Variants in FAM222B observed in about 807,000 individuals in gnomAD.
The protein encoded by FAM222B is family with sequence similarity 222 member B.
A neutral mutation model predicts 38.0 loss-of-function variants in FAM222B; 12 were observed. That is an observed-to-expected ratio of 0.32 (90% CI 0.20 to 0.51). The LOEUF is 0.51. FAM222B is among the 20% of genes least tolerant of loss of function. The probability of loss-of-function intolerance (pLI) is 0.97; values close to 1 mark genes in which losing one functional copy is unlikely to be tolerated. For synonymous variants in FAM222B, 329 were observed against 317.2 expected (o/e 1.04, Z -0.40); for missense variants, 716 against 754.2 (o/e 0.95, Z 0.59).
chr17:28,764,396 C>A (rs543558620), intron 2 of FAM222B, among the ~76,000 whole-genome samples: 2 of 151,394 alleles, frequency 1.3e-5, no homozygotes, highest in African/African-American at 4.9e-5. Context: ...GAGCCGAGAT[C>A]GTGCCACTGC....
chr17:28,846,809 C>T (rs1248071863), upstream of FAM222B, among the ~76,000 whole-genome samples: 1 of 152,006 alleles, frequency 6.6e-6, no homozygotes, highest in Non-Finnish European at 1.5e-5. Context: ...GGGGAAAGGC[C>T]AAACGTGGTG....
At chr17:28,836,065 C>T (rs1391660463) in intron 1 of FAM222B, among the ~76,000 whole-genome samples, 1 of 152,000 alleles carries the variant, frequency 6.6e-6, no homozygotes, top group Non-Finnish European at 1.5e-5. Flanking sequence ...TCTCGGCTCA[C>T]TGAGACCTCC....
intron 1 of FAM222B, among the ~76,000 whole-genome samples, chr17:28,784,816 A>G (rs2036328743): frequency 6.6e-6 from 1 of 152,040 alleles, no homozygotes; most frequent in Non-Finnish European, 1.5e-5. Flanking sequence ...ATGGCGTGAA[A>G]CACGGCTCAT....
chr17:28,778,585 C>T (rs1232369035), intron 1 of FAM222B, among the ~76,000 whole-genome samples: 1 of 141,868 alleles, frequency 7.0e-6, no homozygotes, highest in Non-Finnish European at 1.5e-5. Context: ...TTCACTGAAA[C>T]CTCCACCTCC....
At chr17:28,775,658 A>T (rs2035853916) in intron 1 of FAM222B, among the ~76,000 whole-genome samples, 1 of 151,754 alleles carries the variant, frequency 6.6e-6, no homozygotes, top group Non-Finnish European at 1.5e-5. Context: ...AGGTGCGTGG[A>T]TCACTTGAGG....
intron 1 of FAM222B, among the ~76,000 whole-genome samples, chr17:28,822,799 T>G: frequency 1.3e-4 from 2 of 15,476 alleles, no homozygotes; most frequent in Non-Finnish European, 2.2e-4. Context: ...CAAGACTCCA[T>G]CTCAAAAAAA....
chr17:28,826,419 G>A (rs1294672223), intron 1 of FAM222B, among the ~76,000 whole-genome samples: 3 of 151,840 alleles, frequency 2.0e-5, no homozygotes, highest in African/African-American at 4.8e-5. Context: ...GTTGGCTCAC[G>A]CCTGTAATCC....
At chr17:28,786,008 A>G (rs2036395472) in intron 1 of FAM222B, among the ~76,000 whole-genome samples, 2 of 150,832 alleles carry the variant, frequency 1.3e-5, no homozygotes, top group Non-Finnish European at 3.0e-5. Flanking sequence ...TAATTTTTGT[A>G]TTTTTAGTAG....
At chr17:28,805,958 A>T (rs1004175955) in intron 1 of FAM222B, among the ~76,000 whole-genome samples, 1 of 152,144 alleles carries the variant, frequency 6.6e-6, no homozygotes, top group Non-Finnish European at 1.5e-5. Flanking sequence ...CCTGACCAAC[A>T]TGGAGAAACC....
At chr17:28,784,690 C>T (rs2036322367) in intron 1 of FAM222B, among the ~76,000 whole-genome samples, 1 of 151,708 alleles carries the variant, frequency 6.6e-6, no homozygotes, top group African/African-American at 2.4e-5. Flanking sequence ...ATTAGCTGGG[C>T]GTGGTGGCAG....
In FAM222B at chr17:28,811,486, CT is replaced by C. The variant is rs1271982705; in HGVS notation, c.-41+31195del. 1.1e-4 allele frequency among the ~76,000 whole-genome samples: 17 copies of C among 152,232 alleles called. No individual in the cohort carries two copies. In the East Asian group the frequency reaches 2.9e-3, roughly 26 times the overall value. ...AAAACCCCCACGAACTAAAATACAT[CT>C]GGAGGTTTGTTTTTTTAAGTTTGGT... On this transcript the variant is annotated intron_variant, in intron 1 of 2. Coordinates refer to ENST00000581407, the MANE Select transcript of FAM222B (RefSeq NM_001077498.3).
intron 1 of FAM222B, among the ~76,000 whole-genome samples, chr17:28,791,675 AT>A (rs869183871): frequency 0.057 from 6,609 of 116,814 alleles, 343 homozygotes; most frequent in African/African-American, 0.19. Context: ...GAGCCCAGGA[AT>A]TTTTTTTTTT....
chr17:28,797,485 G>T (rs555379127), intron 1 of FAM222B, among the ~76,000 whole-genome samples: 40 of 152,262 alleles, frequency 2.6e-4, no homozygotes, highest in African/African-American at 8.4e-4. Context: ...CAGCAATAGA[G>T]AAATACTGAA....
intron 1 of FAM222B, among the ~76,000 whole-genome samples, chr17:28,782,466 A>G (rs1426747773): frequency 1.3e-5 from 2 of 152,228 alleles, no homozygotes; most frequent in Admixed American, 6.5e-5. Flanking sequence ...TGGAATCTAA[A>G]TAACTCCCAA....
chr17:28,812,600 G>A (rs998803802), intron 1 of FAM222B, among the ~76,000 whole-genome samples: 11 of 152,190 alleles, frequency 7.2e-5, no homozygotes, highest in Non-Finnish European at 1.5e-4. Flanking sequence ...GTCAGCCACC[G>A]GGATAGGCCC....
At chr17:28,832,434 A>C (rs982172740) in intron 1 of FAM222B, among the ~76,000 whole-genome samples, 1 of 152,190 alleles carries the variant, frequency 6.6e-6, no homozygotes, top group Non-Finnish European at 1.5e-5. Flanking sequence ...CAAACAGATA[A>C]AATGTTAAGC....
chr17:28,772,718 A>C (rs1287415577), intron 1 of FAM222B, among the ~76,000 whole-genome samples: 1 of 152,094 alleles, frequency 6.6e-6, no homozygotes, highest in Non-Finnish European at 1.5e-5. Flanking sequence ...AATATGGTGA[A>C]ACCCCATCTC....
chr17:28,805,484 G>A (rs1170287434), intron 1 of FAM222B, among the ~76,000 whole-genome samples: 4 of 151,938 alleles, frequency 2.6e-5, no homozygotes, highest in South Asian at 2.1e-4. Context: ...ACAGTGAGCC[G>A]AGATCATGCC....
intron 1 of FAM222B, among the ~76,000 whole-genome samples, chr17:28,767,834 A>G (rs1401754534): frequency 3.9e-5 from 6 of 152,194 alleles, no homozygotes; most frequent in African/African-American, 1.4e-4. Context: ...AACCACTGTT[A>G]AAGCAAATTC....
Sources: gnomAD v4.1 joint callset for allele counts (sites outside exome capture counted in the v4.1 genomes callset) on GRCh38, gnomAD v4.1.1 for gene constraint, MANE v1.5 for transcripts, NCBI Gene and HGNC (gene_info 2026-07-23, HGNC 2026-07-21) for gene names.